Variants in SLC4A4 observed in about 807,000 individuals in gnomAD.
The protein encoded by SLC4A4 is solute carrier family 4 member 4.
A neutral mutation model predicts 111.5 loss-of-function variants in SLC4A4; 27 were observed. The observed-to-expected ratio is 0.24, with a 90% CI of 0.18 to 0.33. The LOEUF (loss-of-function observed/expected upper bound fraction) is 0.33. Among genes scored for constraint, SLC4A4 ranks in the 10% least tolerant of loss-of-function variants. The pLI is 1.00. For missense variants in SLC4A4, 909 were observed against 1,315.5 expected, an observed-to-expected ratio of 0.69 and a Z score of 4.78; for synonymous variants, 443 against 463.4, an observed-to-expected ratio of 0.96 and a Z score of 0.57.
At chr4:71,218,875 G>A (rs1718580405) in intron 1 of SLC4A4, among the ~76,000 whole-genome samples, 1 of 152,134 alleles carries the variant, frequency 6.6e-6, no homozygotes, top group Non-Finnish European at 1.5e-5. Context: ...AGCAACAAAT[G>A]TAATATTACT....
At chr4:71,321,337 T>G (rs992936515) in intron 3 of SLC4A4, among the ~76,000 whole-genome samples, 7 of 151,954 alleles carry the variant, frequency 4.6e-5, no homozygotes, top group African/African-American at 1.7e-4. Flanking sequence ...TTTGGGAAGG[T>G]GCTTAATGAG....
chr4:71,401,234 T>C (rs1434539838), intron 7 of SLC4A4, among the ~76,000 whole-genome samples: 2 of 152,210 alleles, frequency 1.3e-5, no homozygotes, highest in Non-Finnish European at 2.9e-5. Context: ...GAAACAAATC[T>C]GTGGGCTGCA....
At chr4:71,332,143 G>C (rs530967773) in intron 3 of SLC4A4, among the ~76,000 whole-genome samples, 1 of 151,690 alleles carries the variant, frequency 6.6e-6, no homozygotes, top group Admixed American at 6.6e-5. Context: ...TGGATCTTTT[G>C]TATTGCTTTT....
chr4:71,229,284 A>G (rs1719244966), intron 1 of SLC4A4, among the ~76,000 whole-genome samples: 1 of 152,196 alleles, frequency 6.6e-6, no homozygotes, highest in Non-Finnish European at 1.5e-5. Context: ...TGGATGTACC[A>G]TAGTTTAACC....
chr4:71,400,242 A>G (rs913614550), intron 7 of SLC4A4, among the ~76,000 whole-genome samples: 7 of 152,202 alleles, frequency 4.6e-5, no homozygotes, highest in Non-Finnish European at 1.0e-4. Context: ...GGGTCTTTTC[A>G]TATCTGGGCA....
chr4:71,516,801 T>C (rs1013139389), intron 16 of SLC4A4, among the ~76,000 whole-genome samples: 4 of 152,348 alleles, frequency 2.6e-5, no homozygotes, highest in African/African-American at 4.8e-5. Context: ...CTCTCCTATG[T>C]GTTCTATTCG....
chr4:71,517,300 T>C (rs1017594194), intron 16 of SLC4A4, among the ~76,000 whole-genome samples: 2 of 152,048 alleles, frequency 1.3e-5, no homozygotes, highest in Non-Finnish European at 2.9e-5. Context: ...TTTTTTTCTC[T>C]ACTGACTATA....
chr4:71,466,255 G>A (rs1727299779), intron 12 of SLC4A4, among the ~76,000 whole-genome samples, 189 bp from the exon 13 acceptor site: 3 of 152,130 alleles, frequency 2.0e-5, no homozygotes, highest in African/African-American at 7.2e-5. Flanking sequence ...TGACTAAATT[G>A]TAGGTGAAAT....
At chr4:71,241,792 T>G (rs1052674101) in intron 2 of SLC4A4, among the ~76,000 whole-genome samples, 1 of 152,208 alleles carries the variant, frequency 6.6e-6, no homozygotes, top group African/African-American at 2.4e-5. Flanking sequence ...TTGGCCCACT[T>G]TAAAGAAATA....
At position 71,568,689 on chromosome 4, in the gene SLC4A4, G is replaced by T. The variant is rs1062679; in HGVS notation, c.*938G>T. 6.6e-6 allele frequency: 1 copy of T among 151,720 alleles called. No homozygotes were observed. Among genetic ancestry groups the T allele is most frequent in the Non-Finnish European group, 1.5e-5 (1 of 67,682 alleles). The allele number at this position is 151,720 out of a possible 1,614,324, so 9.4% of individuals were successfully genotyped here. A position where few individuals can be genotyped will look rare whatever the true frequency, so the allele number is the denominator to read the frequency against. The stretch of plus-strand genomic sequence containing the variant: ...TTCCTGCAGCAGGAAACATAGTTTT[G>T]AGTAGTTCTACCTCTTATTTGTAGC... On this transcript the variant is annotated 3_prime_UTR_variant, in exon 26 of 26. Transcript: ENST00000264485.
chr4:71,276,780 G>T (rs1723101823), intron 3 of SLC4A4, among the ~76,000 whole-genome samples: 1 of 152,106 alleles, frequency 6.6e-6, no homozygotes, highest in Non-Finnish European at 1.5e-5. Flanking sequence ...AGGTGTGGTG[G>T]CTCACGCTTG....
chr4:71,390,738 A>C (rs977379809), intron 6 of SLC4A4, among the ~76,000 whole-genome samples: 3 of 152,150 alleles, frequency 2.0e-5, no homozygotes, highest in Non-Finnish European at 2.9e-5. Context: ...TTTATTAGCC[A>C]TGATGAAGTT....
At chr4:71,149,398 G>A (rs1207328082) in intron 2 of SLC4A4, among the ~76,000 whole-genome samples, 2 of 152,100 alleles carry the variant, frequency 1.3e-5, no homozygotes, top group African/African-American at 2.4e-5. Context: ...ATTAAAAAAG[G>A]TTATAGAAAC....
intron 2 of SLC4A4, among the ~76,000 whole-genome samples, chr4:71,101,468 C>A (rs1578479890): frequency 6.6e-6 from 1 of 151,944 alleles, no homozygotes; most frequent in South Asian, 2.1e-4. Context: ...TAATAATTAC[C>A]ACCATTTACC....
intron 3 of SLC4A4, among the ~76,000 whole-genome samples, chr4:71,270,557 T>C (rs75101057): frequency 2.0e-5 from 3 of 152,226 alleles, no homozygotes; most frequent in African/African-American, 7.2e-5. Context: ...TTTGACCTCC[T>C]GGAATAAATC....
chr4:71,346,758 A>T (rs1461060754), intron 4 of SLC4A4, among the ~76,000 whole-genome samples: 1 of 152,186 alleles, frequency 6.6e-6, no homozygotes, highest in African/African-American at 2.4e-5. Context: ...CCTGAAAATG[A>T]TCTGTTTAAA....
At chr4:71,372,421 T>G (rs1159649206) in intron 6 of SLC4A4, among the ~76,000 whole-genome samples, 1 of 152,234 alleles carries the variant, frequency 6.6e-6, no homozygotes, top group Non-Finnish European at 1.5e-5. Context: ...CAGGACAAGT[T>G]AATACCCACC....
At chr4:71,349,835 A>G (rs533513272) in intron 4 of SLC4A4, 77 bp from the exon 5 acceptor site, 15 of 1,355,044 alleles carry the variant, frequency 1.1e-5, no homozygotes, top group Non-Finnish European at 1.5e-5. Flanking sequence ...AGGGGTGAAG[A>G]TGGAGGGGTT....
intron 6 of SLC4A4, among the ~76,000 whole-genome samples, chr4:71,375,502 A>C (rs1182136765): frequency 6.6e-6 from 1 of 152,140 alleles, no homozygotes; most frequent in Non-Finnish European, 1.5e-5. Flanking sequence ...CCATCCTTCA[A>C]GGCCCACATT....
Sources: allele counts gnomAD v4.1 joint callset (sites outside exome capture counted in the v4.1 genomes callset), GRCh38; gene constraint gnomAD v4.1.1; transcripts MANE v1.5; gene names NCBI Gene and HGNC (gene_info 2026-07-23, HGNC 2026-07-21).